Variants in SLC26A7 observed in about 807,000 individuals in gnomAD.
SLC26A7 encodes anion exchange transporter.
In SLC26A7, 59 loss-of-function variants were observed where a neutral mutation model predicts 82.5. The ratio of observed to expected loss-of-function variants is 0.72; its 90% CI spans 0.58 to 0.89. The LOEUF is 0.89. Among genes scored for constraint, SLC26A7 ranks in the 40% least tolerant of loss-of-function variants. The pLI, the probability that SLC26A7 is intolerant of heterozygous loss-of-function variation, is 0.00. For missense variants in SLC26A7, 820 were observed against 793.0 expected (o/e 1.03, Z -0.41); for synonymous variants, 271 against 274.3 (o/e 0.99, Z 0.12).
At chr8:91,251,227 T>G (rs1810648226) in intron 2 of SLC26A7, among the ~76,000 whole-genome samples, 1 of 152,158 alleles carries the variant, frequency 6.6e-6, no homozygotes, top group South Asian at 2.1e-4. Context: ...TTAGTGATAC[T>G]ATTTATGTAT....
intron 15 of SLC26A7, among the ~76,000 whole-genome samples, chr8:91,376,999 C>T (rs966829165): frequency 6.6e-6 from 1 of 152,120 alleles, no homozygotes; most frequent in African/African-American, 2.4e-5. Context: ...CTAAAACCAA[C>T]TCAGGGCAGA....
At chr8:91,269,623 T>C (rs1004918985) in intron 2 of SLC26A7, among the ~76,000 whole-genome samples, 3 of 152,186 alleles carry the variant, frequency 2.0e-5, no homozygotes, top group African/African-American at 7.2e-5. Flanking sequence ...TTGAATTTTA[T>C]TGGTTACTTC....
chr8:91,210,729 T>C (rs1327599794), intron 1 of SLC26A7, among the ~76,000 whole-genome samples: 1 of 152,064 alleles, frequency 6.6e-6, no homozygotes, highest in African/African-American at 2.4e-5. Context: ...TGTCAGGGCA[T>C]TATAAAAACA....
At chr8:91,309,713 A>T (rs1313343239) in intron 4 of SLC26A7, among the ~76,000 whole-genome samples, 1 of 152,050 alleles carries the variant, frequency 6.6e-6, no homozygotes, top group African/African-American at 2.4e-5. Context: ...AAGAGGGCCA[A>T]CTGAGAGACC....
chr8:91,228,588 T>G (rs1308462633), intron 2 of SLC26A7, among the ~76,000 whole-genome samples: 13 of 152,208 alleles, frequency 8.5e-5, no homozygotes, highest in Non-Finnish European at 1.9e-4. Flanking sequence ...GGGAAGTTAC[T>G]GGCTTTTATT....
At position 91,337,064 on chromosome 8, in the gene SLC26A7, A is replaced by G. The variant is rs909509998; in HGVS notation, c.796-1086A>G. Among the ~76,000 whole-genome samples, 4 of 152,294 alleles carry G rather than the reference A, an allele frequency of 2.6e-5. No individual in the cohort carries two copies. In the South Asian group the frequency reaches 6.2e-4, roughly 24 times the overall value. On this transcript the variant is annotated intron_variant, in intron 6 of 18. Coordinates refer to ENST00000276609, the MANE Select transcript of SLC26A7 (RefSeq NM_052832.4). ...GCTACTATCGTATTACAATATTTAT[A>G]AATTTTAACAATATCACCTTTATGG...
intron 2 of SLC26A7, among the ~76,000 whole-genome samples, chr8:91,281,350 A>G (rs1811567230): frequency 6.6e-6 from 1 of 152,316 alleles, no homozygotes; most frequent in African/African-American, 2.4e-5. Context: ...ATAATATTCC[A>G]TAGTACAATT....
At chr8:91,374,433 A>C (rs1366889377) in intron 15 of SLC26A7, among the ~76,000 whole-genome samples, 1 of 151,108 alleles carries the variant, frequency 6.6e-6, no homozygotes, top group Non-Finnish European at 1.5e-5. Context: ...GTATCTCTAT[A>C]CTGATTTGTT....
intron 2 of SLC26A7, among the ~76,000 whole-genome samples, chr8:91,241,141 T>C (rs1810468365): frequency 6.6e-6 from 1 of 152,124 alleles, no homozygotes; most frequent in African/African-American, 2.4e-5. Flanking sequence ...AAGTAACCAG[T>C]TTCTACTTCT....
chr8:91,239,966 C>T (rs1365092432), intron 2 of SLC26A7, among the ~76,000 whole-genome samples: 1 of 152,110 alleles, frequency 6.6e-6, no homozygotes, highest in Non-Finnish European at 1.5e-5. Flanking sequence ...AAACATTATC[C>T]AAATTATCTT....
chr8:91,269,641 C>T (rs1418283057), intron 2 of SLC26A7, among the ~76,000 whole-genome samples: 1 of 152,128 alleles, frequency 6.6e-6, no homozygotes, highest in Admixed American at 6.5e-5. Context: ...TTCCAAGGTT[C>T]CCGTTCCTGG....
intron 1 of SLC26A7, among the ~76,000 whole-genome samples, chr8:91,211,644 G>A (rs1809926642): frequency 6.9e-6 from 1 of 145,614 alleles, no homozygotes; most frequent in Admixed American, 6.9e-5. Flanking sequence ...TTGCTTGGAA[G>A]CCTCTCTTTC....
At chr8:91,224,817 T>C (rs1363848828) in intron 2 of SLC26A7, among the ~76,000 whole-genome samples, 1 of 152,182 alleles carries the variant, frequency 6.6e-6, no homozygotes, top group East Asian at 1.9e-4. Flanking sequence ...CCTTAGAGAC[T>C]GCAGCCACCC....
chr8:91,396,936 C>T lies in SLC26A7; in HGVS notation c.*1839C>T, dbSNP rs1808588277. ...TATAAATTGATATTTTGCTATGCAA[C>T]TCCTGTAATTGAATTTGTATAATGC... On this transcript the variant is annotated 3_prime_UTR_variant, in exon 19 of 19. Transcript: ENST00000276609. 1 of 152,034 alleles carries T rather than the reference C, an allele frequency of 6.6e-6. No homozygotes were observed. Among genetic ancestry groups the T allele is most frequent in the Non-Finnish European group, 1.5e-5 (1 of 67,936 alleles). The allele number at this position is 152,034 out of a possible 1,614,324, so 9.4% of individuals were successfully genotyped here.
At chr8:91,327,746 T>C (rs1036969919) in intron 5 of SLC26A7, among the ~76,000 whole-genome samples, 2 of 152,190 alleles carry the variant, frequency 1.3e-5, no homozygotes, top group African/African-American at 4.8e-5. Flanking sequence ...TTACTAATGC[T>C]CTGTTGTTTC....
rs570942505 is a variant in SLC26A7, at chr8:91,249,729, G to A, written c.78G>A (p.Gln26=). The A allele has an allele frequency of 1.9e-6, 3 of 1,612,126 alleles. No homozygotes were observed. The highest frequency in any genetic ancestry group is 1.1e-5 in the South Asian group (1 of 90,816). Residue 26 remains glutamine (Q), a synonymous_variant, in exon 2 of 19, where the codon CAG becomes CAA. Coordinates refer to ENST00000276609, the MANE Select transcript of SLC26A7 (RefSeq NM_052832.4). The part of the protein sequence containing the change: ...MHTPQCEDII[Q]WCRRRLPILD... ...CCCCCCAGTGTGAAGACATTATACA[G>A]TGGTGTAGAAGGCGACTGCCCATTT...
chr8:91,364,258 C>A (rs1814129495), intron 13 of SLC26A7, among the ~76,000 whole-genome samples: 1 of 151,970 alleles, frequency 6.6e-6, no homozygotes, highest in Non-Finnish European at 1.5e-5. Context: ...TTTGGCTAAC[C>A]TTTTTCCGTT....
chr8:91,212,170 C>T (rs1438501042), intron 1 of SLC26A7, among the ~76,000 whole-genome samples: 1 of 152,070 alleles, frequency 6.6e-6, no homozygotes, highest in Non-Finnish European at 1.5e-5. Flanking sequence ...TTTGAAACAG[C>T]AACACAAATT....
chr8:91,370,771 T>A (rs1814336481), intron 15 of SLC26A7, among the ~76,000 whole-genome samples: 1 of 152,048 alleles, frequency 6.6e-6, no homozygotes, highest in Admixed American at 6.6e-5. Flanking sequence ...TTTGTATATT[T>A]ATCTTTTGAT....
Sources: gnomAD v4.1 joint callset for allele counts (sites outside exome capture counted in the v4.1 genomes callset) on GRCh38, gnomAD v4.1.1 for gene constraint, MANE v1.5 for transcripts, NCBI Gene and HGNC (gene_info 2026-07-23, HGNC 2026-07-21) for gene names.